PGS1: variants seen among roughly 807,000 people sequenced by gnomAD.
The protein encoded by PGS1 is phosphatidylglycerophosphate synthase 1.
A neutral mutation model predicts 58.3 loss-of-function variants in PGS1; 44 were observed. The ratio of observed to expected loss-of-function variants is 0.75; its 90% CI spans 0.59 to 0.97. The LOEUF (loss-of-function observed/expected upper bound fraction) is 0.97. Among genes scored for constraint, PGS1 ranks in the 50% least tolerant of loss-of-function variants. The pLI is 0.00. For synonymous variants in PGS1, 330 were observed against 311.0 expected (o/e 1.06, Z -0.64); for missense variants, 684 against 731.1 (o/e 0.94, Z 0.74).
At chr17:78,399,215 G>C (rs1280439376) in intron 4 of PGS1, 133 bp from the exon 5 acceptor site, 1 of 682,302 alleles carries the variant, frequency 1.5e-6, no homozygotes, top group African/African-American at 1.8e-5. Flanking sequence ...CTGGCTAGGA[G>C]TAGCCCCAGC....
At chr17:78,416,536 CCACTGCCCTAGTAAGGG>C (rs149144979) in intron 8 of PGS1, among the ~76,000 whole-genome samples, 2,275 of 152,350 alleles carry the variant, frequency 0.015, 60 homozygotes, top group African/African-American at 0.052. Context: ...CCGTCCTCCC[CCACTGCCCTAGTAAGGG>C]CACTGAACCC....
intron 6 of PGS1, among the ~76,000 whole-genome samples, chr17:78,403,357 G>A (rs962016577): frequency 8.5e-5 from 13 of 152,136 alleles, no homozygotes; most frequent in African/African-American, 3.1e-4. Flanking sequence ...CTGAGTGTGG[G>A]CTACTGTGGA....
intron 9 of PGS1, chr17:78,421,327 T>A (rs1337253821): frequency 6.6e-6 from 1 of 152,170 alleles, no homozygotes; most frequent in Non-Finnish European, 1.5e-5. Context: ...GGGAGTGAGA[T>A]TAGATTTAGT....
chr17:78,420,344 C>G (rs576247666), intron 9 of PGS1: 8 of 515,546 alleles, frequency 1.6e-5, no homozygotes, highest in Non-Finnish European at 2.0e-5. Context: ...ACTGTCTTGA[C>G]GCCTAGAGGT....
chr17:78,399,110 T>G (rs1452363957), intron 4 of PGS1, among the ~76,000 whole-genome samples: 1 of 152,186 alleles, frequency 6.6e-6, no homozygotes, highest in East Asian at 1.9e-4. Flanking sequence ...GGTGAATGGG[T>G]GCTGTGTGGC....
At chr17:78,396,100 T>G (rs1034856622) in intron 2 of PGS1, among the ~76,000 whole-genome samples, 1 of 152,246 alleles carries the variant, frequency 6.6e-6, no homozygotes, top group Non-Finnish European at 1.5e-5. Context: ...TGAGCTTTAC[T>G]TTTCAGGCTG....
At chr17:78,409,345 A>C (rs760897839) in intron 7 of PGS1, among the ~76,000 whole-genome samples, 1 of 152,270 alleles carries the variant, frequency 6.6e-6, no homozygotes, top group Non-Finnish European at 1.5e-5. Flanking sequence ...AGGGCGGAGC[A>C]GGTGTTGGAT....
At chr17:78,419,524 C>G (rs1328040583) in intron 8 of PGS1, 22 bp from the exon 9 acceptor site, 1 of 1,609,598 alleles carries the variant, frequency 6.2e-7, no homozygotes, top group Non-Finnish European at 8.5e-7. Context: ...CCTCACTATT[C>G]CTGTCTGTTC....
rs72914863 is a variant in PGS1 at position 78,423,903 on chromosome 17, G to A, written c.*11-158G>A. The A allele has an allele frequency of 6.5e-3, 10,417 of 1,613,820 alleles. 62 individuals are homozygous for A. The highest frequency in any genetic ancestry group is 7.4e-3 in the Non-Finnish European group (8,738 of 1,179,818). ...GGAGTGTGGGCTGTGAGGCAGGAGCGAGCTAAACCTGTAGGAGCAGCGCCA... is the reference window on the plus strand; with the variant it reads ...GGAGTGTGGGCTGTGAGGCAGGAGCAAGCTAAACCTGTAGGAGCAGCGCCA... On this transcript the variant is annotated intron_variant, in intron 9 of 9. Transcript: ENST00000262764.
At chr17:78,404,247 G>C (rs1037753933) in intron 7 of PGS1, among the ~76,000 whole-genome samples, 158 bp downstream of exon 7, 6 of 148,830 alleles carry the variant, frequency 4.0e-5, no homozygotes, top group Non-Finnish European at 8.9e-5. Flanking sequence ...CCCATGACTT[G>C]GGGAGAGGCG....
Position 78,424,240 on chromosome 17 carries a change from C to G in PGS1, c.*190C>G. On this transcript the variant is annotated 3_prime_UTR_variant, in exon 10 of 10. Coordinates refer to ENST00000262764, the MANE Select transcript of PGS1 (RefSeq NM_024419.5). ...GGAAGGGTGGGGTCCTCACACTCCC[C>G]GCCCTCTGCAGAGCTGGGCTCTACC... The G allele has an allele frequency of 2.7e-6, 4 of 1,484,166 alleles. No individual in the cohort carries two copies. The highest frequency in any genetic ancestry group is 4.2e-5 in the Admixed American group (2 of 47,716). The allele number at this position is 1,484,166 out of a possible 1,614,324, so 91.9% of individuals were successfully genotyped here. A position where few individuals can be genotyped will look rare whatever the true frequency, so the allele number is the denominator to read the frequency against.
intron 1 of PGS1, among the ~76,000 whole-genome samples, chr17:78,383,416 C>T (rs749716514): frequency 2.0e-5 from 3 of 152,146 alleles, no homozygotes; most frequent in South Asian, 2.1e-4. Context: ...AGTAGAGACG[C>T]GGTTTCTCCA....
intron 8 of PGS1, among the ~76,000 whole-genome samples, chr17:78,417,583 A>G (rs1200735321): frequency 1.3e-5 from 2 of 152,124 alleles, no homozygotes; most frequent in African/African-American, 4.8e-5. Context: ...CCCCCGGGGC[A>G]GAGGAGTTGC....
chr17:78,407,315 C>G (rs1167346880), intron 7 of PGS1, among the ~76,000 whole-genome samples: 1 of 152,210 alleles, frequency 6.6e-6, no homozygotes, highest in Non-Finnish European at 1.5e-5. Context: ...GGCGAGGGTC[C>G]TTCCCTGCTC....
At chr17:78,410,664 G>A (rs371575968) in intron 7 of PGS1, among the ~76,000 whole-genome samples, 14 of 151,896 alleles carry the variant, frequency 9.2e-5, no homozygotes, top group South Asian at 6.2e-4. Context: ...AGTAGAGATG[G>A]GGTTTCACCA....
intron 7 of PGS1, among the ~76,000 whole-genome samples, chr17:78,411,627 A>G (rs999808377): frequency 3.3e-5 from 5 of 152,276 alleles, no homozygotes; most frequent in East Asian, 1.9e-4. Flanking sequence ...TCCCCAGGCT[A>G]TCGTTCCTGC....
At chr17:78,394,413 C>T (rs759354709) in intron 2 of PGS1, among the ~76,000 whole-genome samples, 51 of 152,010 alleles carry the variant, frequency 3.4e-4, no homozygotes, top group Non-Finnish European at 6.2e-4. Flanking sequence ...TGCACACAGG[C>T]GTGTCCTTTT....
chr17:78,405,738 G>A (rs1282146285), intron 7 of PGS1, among the ~76,000 whole-genome samples: 1 of 152,198 alleles, frequency 6.6e-6, no homozygotes, highest in African/African-American at 2.4e-5. Context: ...AAGGGGAAAT[G>A]GTGCCTGGAG....
At chr17:78,381,707 AG>A (rs1165738151) in intron 1 of PGS1, among the ~76,000 whole-genome samples, 3 of 152,168 alleles carry the variant, frequency 2.0e-5, no homozygotes, top group African/African-American at 7.2e-5. Context: ...CAGCTGTTGG[AG>A]GGCCAGTGAA....
Sources: gnomAD v4.1 joint callset for allele counts (sites outside exome capture counted in the v4.1 genomes callset) on GRCh38, gnomAD v4.1.1 for gene constraint, MANE v1.5 for transcripts, NCBI Gene and HGNC (gene_info 2026-07-23, HGNC 2026-07-21) for gene names.